Variants in IARS2 observed in about 807,000 individuals in gnomAD.
IARS2 encodes the protein isoleucine--tRNA ligase, mitochondrial.
A neutral mutation model predicts 126.3 loss-of-function variants in IARS2; 56 were observed. The observed-to-expected ratio is 0.44, with a 90% CI of 0.36 to 0.55. The LOEUF is 0.55. IARS2 is among the 20% of genes least tolerant of loss of function. The pLI, the probability that IARS2 is intolerant of heterozygous loss-of-function variation, is 0.00. For missense variants in IARS2, 1,127 were observed against 1,245.9 expected, an observed-to-expected ratio of 0.90 and a Z score of 1.44; for synonymous variants, 407 against 441.1, an observed-to-expected ratio of 0.92 and a Z score of 0.97.
intron 12 of IARS2, among the ~76,000 whole-genome samples, chr1:220,121,519 A>G (rs1261447066): frequency 6.6e-6 from 1 of 152,184 alleles, no homozygotes; most frequent in African/African-American, 2.4e-5. Context: ...GCTTTTAGTT[A>G]TATGCTCAGT....
intron 12 of IARS2, 40 bp from the exon 13 acceptor site, chr1:220,125,197 T>C: frequency 8.7e-7 from 1 of 1,151,766 alleles, no homozygotes; most frequent in Non-Finnish European, 1.3e-6. Context: ...TTCATCACAA[T>C]AGTTAATTGA....
Position 220,105,945 on chromosome 1 carries a change from C to G in IARS2, c.1121C>G (p.Ser374Cys), listed in dbSNP as rs752338172. ...CSHPLIPDKA[S>C]PLLPANHVTM... ...CATCCATTAATTCCTGATAAAGCCTCTCCTCTTTTACCTGCAAATCATGTG... is the reference window on the plus strand; with the variant it reads ...CATCCATTAATTCCTGATAAAGCCTGTCCTCTTTTACCTGCAAATCATGTG... Residue 374 changes from serine (S) to cysteine (C), a missense_variant, in exon 9 of 23, where the codon TCT becomes TGT. By Grantham distance (112) the Ser-to-Cys change is moderately radical. Coordinates refer to ENST00000366922, the MANE Select transcript of IARS2 (RefSeq NM_018060.4). The G allele has an allele frequency of 6.2e-7, 1 of 1,614,098 alleles. No individual in the cohort carries two copies. The highest frequency in any genetic ancestry group is 8.5e-7 in the Non-Finnish European group (1 of 1,179,980).
At chr1:220,117,963 G>A (rs1212408143) in intron 12 of IARS2, 1 of 502,992 alleles carries the variant, frequency 2.0e-6, no homozygotes. Context: ...TCTGAATGAT[G>A]ACTTTAATCC....
intron 11 of IARS2, among the ~76,000 whole-genome samples, chr1:220,112,818 CAG>C (rs1656838728): frequency 2.0e-5 from 3 of 152,080 alleles, no homozygotes; most frequent in Non-Finnish European, 4.4e-5. Flanking sequence ...TTCGGCCTCT[CAG>C]AGTGCTGTAA....
At chr1:220,127,581 T>C (rs1164946458) in intron 14 of IARS2, among the ~76,000 whole-genome samples, 1 of 152,152 alleles carries the variant, frequency 6.6e-6, no homozygotes, top group Non-Finnish European at 1.5e-5. Flanking sequence ...AGGGATGAGA[T>C]GTCACGGAGG....
intron 16 of IARS2, 156 bp from the exon 17 acceptor site, chr1:220,137,762 T>G: frequency 1.4e-6 from 1 of 734,822 alleles, no homozygotes. Context: ...TACAGTCTAA[T>G]TTGAGATTGT....
intron 12 of IARS2, among the ~76,000 whole-genome samples, chr1:220,115,454 C>T (rs1340812867): frequency 3.3e-5 from 5 of 151,986 alleles, no homozygotes; most frequent in South Asian, 2.1e-4. Context: ...TCAGCTACTC[C>T]GAAGGCTCAG....
chr1:220,144,597 T>G (rs1657553491), intron 21 of IARS2, among the ~76,000 whole-genome samples: 1 of 152,228 alleles, frequency 6.6e-6, no homozygotes, highest in Admixed American at 6.5e-5. Context: ...CTGCTGAAGC[T>G]GTGACCTAGA....
At chr1:220,143,586 G>A (rs576672711) in intron 21 of IARS2, among the ~76,000 whole-genome samples, 2 of 152,218 alleles carry the variant, frequency 1.3e-5, no homozygotes, top group East Asian at 1.9e-4. Context: ...AATTGATCGC[G>A]ATCGTCTTTG....
chr1:220,120,301 C>G (rs1020643564), intron 12 of IARS2, among the ~76,000 whole-genome samples: 2 of 151,584 alleles, frequency 1.3e-5, no homozygotes, highest in African/African-American at 2.4e-5. Context: ...AGGCTGGTCT[C>G]GAACTCCCCA....
In IARS2 at chr1:220,143,043, A is replaced by G; in HGVS notation, c.2660A>G (p.Asp887Gly). 6.2e-7 allele frequency: 1 copy of G among 1,614,134 alleles called. No homozygotes were observed. The highest frequency in any genetic ancestry group is 8.5e-7 in the Non-Finnish European group (1 of 1,180,004). The change falls in exon 21 of 23, where the codon GAC (aspartate) becomes GGC (glycine). Residue 887 changes from aspartate to glycine, a missense_variant. Transcript: ENST00000366922. ...GTGGAGAGTGCGTGTGCAATGCGAGACTCATTTCTTGGAAGCATCCCTGGC... is the reference window on the plus strand; with the variant it reads ...GTGGAGAGTGCGTGTGCAATGCGAGGCTCATTTCTTGGAAGCATCCCTGGC... The part of the protein sequence containing the change: ...EAVESACAMR[D>G]SFLGSIPGKN...
At chr1:220,147,324 T>G (rs112599532) in intron 22 of IARS2, among the ~76,000 whole-genome samples, 169 bp from the exon 23 acceptor site, 301 of 152,292 alleles carry the variant, frequency 2.0e-3, no homozygotes, top group African/African-American at 6.8e-3. Flanking sequence ...TTGAGTTGTA[T>G]GATCCCATTA....
chr1:220,132,380 C>T (rs1657287973), intron 14 of IARS2, among the ~76,000 whole-genome samples: 1 of 151,984 alleles, frequency 6.6e-6, no homozygotes, highest in Admixed American at 6.6e-5. Flanking sequence ...TATTTCTTCC[C>T]GGTTTAATCT....
At position 220,096,180 on chromosome 1, in the gene IARS2, C is replaced by T; in HGVS notation, c.344C>T (p.Pro115Leu). ...ACAGAATTTTGCCTTCATGATGGACCTCCTTATGCAAACGGTGACCCTCAT... is the reference window on the plus strand; with the variant it reads ...ACAGAATTTTGCCTTCATGATGGACTTCCTTATGCAAACGGTGACCCTCAT... ...VKTEFCLHDG[P>L]PYANGDPHVG... The change falls in exon 2 of 23, where the codon CCT becomes CTT. Residue 115 changes from proline to leucine, a missense_variant. Coordinates refer to ENST00000366922, the MANE Select transcript of IARS2 (RefSeq NM_018060.4). 2.5e-6 allele frequency: 4 copies of T among 1,599,658 alleles called. No individual in the cohort carries two copies. Among genetic ancestry groups the T allele is most frequent in the African/African-American group, 1.3e-5 (1 of 74,492 alleles).
chr1:220,100,401 A>C (rs1056736455), intron 2 of IARS2, 89 bp from the exon 3 acceptor site: 1 of 1,103,392 alleles, frequency 9.1e-7, no homozygotes, highest in Non-Finnish European at 1.3e-6. Flanking sequence ...TTATGTATGA[A>C]TGCTAATTAT....
chr1:220,102,340 C>A, intron 4 of IARS2, 23 bp from the exon 5 acceptor site: 1 of 1,611,572 alleles, frequency 6.2e-7, no homozygotes, highest in Non-Finnish European at 8.5e-7. Context: ...CTACTTTTAA[C>A]ATCATATTTT....
At chr1:220,136,034 A>C (rs1178861812) in intron 15 of IARS2, among the ~76,000 whole-genome samples, 2 of 152,180 alleles carry the variant, frequency 1.3e-5, no homozygotes, top group Admixed American at 6.5e-5. Flanking sequence ...TACATAGCAG[A>C]AGCTCAGAAA....
chr1:220,100,377 G>T lies in IARS2; in HGVS notation c.391-113G>T, dbSNP rs112076704. On this transcript the variant is annotated intron_variant, in intron 2 of 22. Coordinates refer to ENST00000366922, the MANE Select transcript of IARS2 (RefSeq NM_018060.4). ...AAGTTTAAAAAAAAGAACATAAATT[G>T]TAGGCCAAATATTTTATGTATGAAT... The T allele has an allele frequency of 1.5e-3, 1,285 of 868,402 alleles. 21 individuals are homozygous for T. The African/African-American group carries it at 0.019, about 13-fold the overall frequency. 53.8% of individuals were successfully genotyped at this position (868,402 alleles called of 1,614,324 possible).
At chr1:220,115,043 A>G (rs1656886827) in intron 12 of IARS2, among the ~76,000 whole-genome samples, 1 of 151,910 alleles carries the variant, frequency 6.6e-6, no homozygotes, top group Non-Finnish European at 1.5e-5. Flanking sequence ...TACTCCAGGT[A>G]TCCAGAACCT....
Sources: allele counts gnomAD v4.1 joint callset (sites outside exome capture counted in the v4.1 genomes callset), GRCh38; gene constraint gnomAD v4.1.1; transcripts MANE v1.5; gene names NCBI Gene and HGNC (gene_info 2026-07-23, HGNC 2026-07-21).